The following GNAS variants were observed in gnomAD, a reference collection of about 807,000 sequenced individuals.
The protein encoded by GNAS is protein ALEX.
Under a neutral mutation model 54.5 loss-of-function variants are expected in GNAS, and 8 were observed. The ratio of observed to expected loss-of-function variants is 0.15; its 90% CI spans 0.09 to 0.26. The LOEUF is 0.26. Among genes scored for constraint, GNAS ranks in the 10% least tolerant of loss-of-function variants. The pLI is 1.00. For missense variants in GNAS, 170 were observed against 529.8 expected (o/e 0.32, Z 6.67); for synonymous variants, 204 against 191.4 (o/e 1.07, Z -0.54).
At chr20:58,850,103 G>T (rs1211983669) in intron 1 of GNAS, among the ~76,000 whole-genome samples, 1 of 152,174 alleles carries the variant, frequency 6.6e-6, no homozygotes, top group African/African-American at 2.4e-5. Flanking sequence ...TCCTTTGTTC[G>T]TGGTGGGCAA....
At chr20:58,889,045 G>A (rs2088826845), upstream of GNAS, 1 of 999,602 alleles carries the variant, frequency 1.0e-6, no homozygotes, top group African/African-American at 1.7e-5. Context: ...CGGCCCATTT[G>A]GGTGCGTCCC....
At chr20:58,868,048 T>C (rs1188140425) in intron 1 of GNAS, among the ~76,000 whole-genome samples, 1 of 146,584 alleles carries the variant, frequency 6.8e-6, no homozygotes, top group Non-Finnish European at 1.5e-5. Flanking sequence ...TGAGATGGAG[T>C]CTTGCTCTGT....
intron 1 of GNAS, among the ~76,000 whole-genome samples, chr20:58,894,281 T>C (rs1391235590): frequency 6.6e-6 from 1 of 152,236 alleles, no homozygotes; most frequent in African/African-American, 2.4e-5. Flanking sequence ...ATATTAGAGA[T>C]CCTGCTAAAT....
At chr20:58,868,583 C>A (rs955930691) in intron 1 of GNAS, among the ~76,000 whole-genome samples, 1 of 152,022 alleles carries the variant, frequency 6.6e-6, no homozygotes, top group Non-Finnish European at 1.5e-5. Flanking sequence ...AGAAGCAAGA[C>A]CATTAGGGCT....
chr20:58,850,423 C>T (rs1231879358), intron 1 of GNAS: 2 of 397,610 alleles, frequency 5.0e-6, no homozygotes, highest in East Asian at 7.1e-5. Context: ...ACCCGTTCCT[C>T]GACAAATGGT....
In GNAS at chr20:58,854,432, T is replaced by A. The variant is rs751283859; in HGVS notation, c.43+13546T>A. 6 of 1,572,480 alleles carry A rather than the reference T, an allele frequency of 3.8e-6. No individual in the cohort carries two copies. The highest frequency in any genetic ancestry group is 5.2e-6 in the Non-Finnish European group (6 of 1,161,274). ...CTGCCGCCGGGGCAGCCTCAGCGGA[T>A]ACCGCTGCCAGGGCAGCCCCTGCAG... is the stretch of plus-strand genomic sequence containing the variant. On this transcript the variant is annotated intron_variant, in intron 1 of 12. Transcript: ENST00000306090.
chr20:58,862,654 G>C (rs1300861921), intron 1 of GNAS, among the ~76,000 whole-genome samples: 1 of 151,292 alleles, frequency 6.6e-6, no homozygotes, highest in Non-Finnish European at 1.5e-5. Context: ...ATCTCATTCT[G>C]TCTTTCTGTC....
chr20:58,894,084 A>G (rs1009231644), intron 1 of GNAS, among the ~76,000 whole-genome samples: 6 of 152,238 alleles, frequency 3.9e-5, no homozygotes, highest in African/African-American at 1.4e-4. Flanking sequence ...AAACCTAATA[A>G]TGCCCCAAAT....
At position 58,867,871 on chromosome 20, in the gene GNAS, G is replaced by A. The variant is rs754937576; in HGVS notation, c.43+26985G>A. ...TGAGAAAGTCAAGACACAAGATGGG[G>A]GCAGGACAGGGACAGCTTGAGAAAG... On this transcript the variant is annotated intron_variant, in intron 1 of 12. Coordinates refer to the GNAS transcript ENST00000306090. Among the ~76,000 whole-genome samples the A allele has an allele frequency of 1.5e-4, 23 of 152,090 alleles. No individual in the cohort carries two copies. In the South Asian group the frequency reaches 2.1e-3, roughly 14 times the overall value.
chr20:58,860,811 C>T (rs1272414099), intron 1 of GNAS, among the ~76,000 whole-genome samples: 1 of 152,104 alleles, frequency 6.6e-6, no homozygotes, highest in Non-Finnish European at 1.5e-5. Flanking sequence ...CAGACATGCA[C>T]CACCACACCT....
chr20:58,855,504 C>A (rs185291356), intron 1 of GNAS: 8 of 739,510 alleles, frequency 1.1e-5, no homozygotes, highest in African/African-American at 1.7e-5. Context: ...GCCCTGGGAG[C>A]GGGAGGGGAT....
At chr20:58,888,950 CCGCGCCCCCCGCCAT>C, upstream of GNAS, 1 of 391,390 alleles carries the variant, frequency 2.6e-6, no homozygotes, top group Non-Finnish European at 3.5e-6. Context: ...TTGGGCGCGC[CCGCGCCCCCCGCCAT>C]CGCGGCCCCC....
chr20:58,900,081 G>A lies in GNAS; in HGVS notation c.257+1096G>A. On this transcript the variant is annotated intron_variant, in intron 3 of 12. Transcript: ENST00000371085. ...CTATTCTGTTATCTGAGGGGGGAGG[G>A]GGGATGGGGCCCCTGCTACCTGACC... 4 of 594,602 alleles carry A rather than the reference G, an allele frequency of 6.7e-6. No individual in the cohort carries two copies. In the East Asian group the frequency reaches 9.2e-5, roughly 14 times the overall value. 36.8% of individuals were successfully genotyped at this position (594,602 alleles called of 1,614,324 possible). A position where few individuals can be genotyped will look rare whatever the true frequency, so the allele number is the denominator to read the frequency against.
At chr20:58,859,448 C>T (rs572898228) in intron 1 of GNAS, among the ~76,000 whole-genome samples, 2 of 149,542 alleles carry the variant, frequency 1.3e-5, no homozygotes, top group South Asian at 2.1e-4. Context: ...GTGATCTACC[C>T]AGCCTCCCAA....
intron 1 of GNAS, among the ~76,000 whole-genome samples, chr20:58,871,369 C>T (rs1262177434): frequency 6.6e-6 from 1 of 152,046 alleles, no homozygotes; most frequent in African/African-American, 2.4e-5. Flanking sequence ...AATCCCAGCA[C>T]TTTGGGAGGC....
rs1322597555 is a variant in GNAS at position 58,873,673 on chromosome 20, G to A, written c.44-21939G>A. Among the ~76,000 whole-genome samples, 3 of 152,112 alleles carry A rather than the reference G, an allele frequency of 2.0e-5. No individual in the cohort carries two copies. Among genetic ancestry groups the A allele is most frequent in the Non-Finnish European group, 2.9e-5 (2 of 68,016 alleles). On this transcript the variant is annotated intron_variant, in intron 1 of 12. Coordinates refer to the GNAS transcript ENST00000306090. This position sits in a 1 kb window ranked among gnomAD's most constrained non-coding sequence, Gnocchi z 4.3. The stretch of plus-strand genomic sequence containing the variant: ...TAGAAGGACGAATCCTTGCCTGGTC[G>A]GTGAGTTTGCCTCAATTCGGGCATT...
intron 6 of GNAS, 180 bp from the exon 7 acceptor site, chr20:58,908,982 T>C: frequency 1.3e-6 from 1 of 752,042 alleles, no homozygotes; most frequent in South Asian, 1.4e-5. Context: ...CTAACCTTCT[T>C]AAGGCATCAG....
chr20:58,901,835 G>C (rs8114689), intron 3 of GNAS, among the ~76,000 whole-genome samples: 3 of 133,164 alleles, frequency 2.3e-5, no homozygotes, highest in Admixed American at 7.6e-5. Context: ...CCCACCGTCC[G>C]TCCCCGCCCC....
At chr20:58,849,370 T>C (rs2086062287) in intron 1 of GNAS, among the ~76,000 whole-genome samples, 1 of 152,208 alleles carries the variant, frequency 6.6e-6, no homozygotes, top group East Asian at 1.9e-4. Context: ...TCTCCCTTTT[T>C]CCTGTCCAGT....
Sources: gnomAD v4.1 joint callset for allele counts (sites outside exome capture counted in the v4.1 genomes callset) on GRCh38, gnomAD v4.1.1 for gene constraint, Gnocchi (gnomAD v3.1) non-coding constraint, MANE v1.5 for transcripts, NCBI Gene and HGNC (gene_info 2026-07-23, HGNC 2026-07-21) for gene names.